Variants in SLC9C2 observed in about 807,000 individuals in gnomAD.
The protein encoded by SLC9C2 is sodium/hydrogen exchanger 11.
Under a neutral mutation model 140.2 loss-of-function variants are expected in SLC9C2, and 75 were observed. That is an observed-to-expected ratio of 0.53 (90% confidence interval 0.44 to 0.65). SLC9C2 has a LOEUF of 0.65. Ranked by LOEUF, SLC9C2 falls within the 30% of genes least tolerant of loss-of-function variation. The pLI is 0.00. For missense variants in SLC9C2, 1,074 were observed against 1,331.8 expected, an observed-to-expected ratio of 0.81 and a Z score of 3.01; for synonymous variants, 375 against 420.9, an observed-to-expected ratio of 0.89 and a Z score of 1.34.
intron 17 of SLC9C2, among the ~76,000 whole-genome samples, chr1:173,531,279 G>T (rs1252956187): frequency 6.6e-6 from 1 of 152,172 alleles, no homozygotes; most frequent in Non-Finnish European, 1.5e-5. Context: ...AGACAGAAGG[G>T]ATGACTAGTT....
intron 27 of SLC9C2, among the ~76,000 whole-genome samples, chr1:173,502,271 T>TAA (rs1334526890): frequency 3.1e-5 from 1 of 31,760 alleles, no homozygotes; most frequent in Non-Finnish European, 4.7e-5. Context: ...AGATTCCATC[T>TAA]CAAAAAAAAA....
chr1:173,531,500 A>G (rs565130747), intron 17 of SLC9C2, among the ~76,000 whole-genome samples: 15 of 152,342 alleles, frequency 9.8e-5, no homozygotes, highest in African/African-American at 3.4e-4. Context: ...CCTGCAAGTT[A>G]GCTCACTGCA....
chr1:173,508,017 C>T (rs527296305), intron 24 of SLC9C2, among the ~76,000 whole-genome samples: 1 of 152,148 alleles, frequency 6.6e-6, no homozygotes, highest in African/African-American at 2.4e-5. Flanking sequence ...TCTCCACCCC[C>T]ATTCAGGGCA....
At chr1:173,574,660 G>A (rs61828911) in intron 8 of SLC9C2, among the ~76,000 whole-genome samples, 22,072 of 151,332 alleles carry the variant, frequency 0.15, 1,935 homozygotes, top group East Asian at 0.32. Flanking sequence ...ACAGGCACCC[G>A]CCACCACGCC....
intron 4 of SLC9C2, among the ~76,000 whole-genome samples, chr1:173,588,307 T>C (rs1665973537): frequency 6.6e-6 from 1 of 152,206 alleles, no homozygotes; most frequent in Non-Finnish European, 1.5e-5. Flanking sequence ...CATGAAATGC[T>C]TGAGATTAAG....
At chr1:173,530,817 G>A (rs1296801182) in intron 17 of SLC9C2, among the ~76,000 whole-genome samples, 1 of 152,174 alleles carries the variant, frequency 6.6e-6, no homozygotes, top group East Asian at 1.9e-4. Flanking sequence ...GGCAGATGGC[G>A]AGGGACTGGG....
intron 4 of SLC9C2, among the ~76,000 whole-genome samples, chr1:173,593,492 C>G (rs1666285628): frequency 6.6e-6 from 1 of 152,152 alleles, no homozygotes; most frequent in South Asian, 2.1e-4. Flanking sequence ...TGCACTCTAG[C>G]CTGGGCAGTA....
intron 7 of SLC9C2, among the ~76,000 whole-genome samples, chr1:173,579,380 G>T (rs1050501909): frequency 2.6e-5 from 4 of 152,196 alleles, no homozygotes; most frequent in Non-Finnish European, 4.4e-5. Context: ...TTTATCCCAT[G>T]AAAATTGACA....
intron 25 of SLC9C2, among the ~76,000 whole-genome samples, chr1:173,506,324 G>A (rs912013850): frequency 1.3e-5 from 2 of 152,144 alleles, no homozygotes; most frequent in Non-Finnish European, 2.9e-5. Flanking sequence ...GGGCCATTAG[G>A]GACTTTGCTT....
intron 4 of SLC9C2, among the ~76,000 whole-genome samples, chr1:173,595,509 T>C (rs1318057972): frequency 1.3e-5 from 2 of 152,142 alleles, no homozygotes; most frequent in East Asian, 3.9e-4. Flanking sequence ...TGCTTGGAAA[T>C]ATGATATTTT....
At chr1:173,507,148 G>A (rs948825146) in intron 24 of SLC9C2, 107 bp from the exon 25 acceptor site, 1 of 866,752 alleles carries the variant, frequency 1.2e-6, no homozygotes, top group African/African-American at 1.7e-5. Context: ...GTGTCAGAAG[G>A]TACACAGCCC....
chr1:173,557,214 C>A, intron 10 of SLC9C2, 126 bp downstream of exon 10: 3 of 886,524 alleles, frequency 3.4e-6, no homozygotes, highest in African/African-American at 1.7e-5. Context: ...TTCCTTTCTA[C>A]TTAAAAGAAT....
rs139248756 is a variant in SLC9C2 at position 173,520,723 on chromosome 1, G to A, written c.2739+578C>T. Among the ~76,000 whole-genome samples the A allele has an allele frequency of 5.0e-3, 762 of 152,206 alleles. 7 individuals are homozygous for A. Among genetic ancestry groups the A allele is most frequent in the African/African-American group, 0.017 (713 of 41,520 alleles). On this transcript the variant is annotated intron_variant, in intron 22 of 27. Transcript: ENST00000367714. ...TGATATTTTAAGGTCTAATATACCC[G>A]TTTCAAAACCAGAAAGCCAATGGTA...
At chr1:173,561,272 G>A (rs1024417823) in intron 9 of SLC9C2, among the ~76,000 whole-genome samples, 5 of 152,126 alleles carry the variant, frequency 3.3e-5, no homozygotes, top group African/African-American at 1.2e-4. Flanking sequence ...GTATTCACAC[G>A]GTCACTCCTT....
At chr1:173,531,673 T>C (rs1306465226) in intron 17 of SLC9C2, among the ~76,000 whole-genome samples, 1 of 152,218 alleles carries the variant, frequency 6.6e-6, no homozygotes, top group Non-Finnish European at 1.5e-5. Flanking sequence ...TAAATAAATA[T>C]GCCTTTCTTC....
chr1:173,524,799 C>T lies in SLC9C2; in HGVS notation c.2494G>A (p.Glu832Lys), dbSNP rs1190237326. Residue 832 changes from glutamate (E) to lysine (K), a missense_variant, in exon 20 of 28, where the codon GAA becomes AAA. By Grantham distance (56) the Glu-to-Lys change is moderately conservative. Coordinates refer to ENST00000367714, the MANE Select transcript of SLC9C2 (RefSeq NM_178527.4). ...LCSRGIIDKHEVIEINKVLLK... is the reference protein window; with the variant it reads ...LCSRGIIDKHKVIEINKVLLK... The stretch of plus-strand genomic sequence containing the variant: ...ATTACCTTATTTATCTCAATGACTT[C>T]ATGCTTATCAATAATGCCTCTTGAA... 6.2e-7 allele frequency: 1 copy of T among 1,613,972 alleles called. No individual in the cohort carries two copies. Among genetic ancestry groups the T allele is most frequent in the Admixed American group, 1.7e-5 (1 of 60,004 alleles).
chr1:173,517,597 C>T lies in SLC9C2; in HGVS notation c.2847G>A (p.Glu949=). Residue 949 remains glutamate, a synonymous_variant, in exon 23 of 28, where the codon GAG becomes GAA. Transcript: ENST00000367714. ...TTTCACGCTTAAGCAGACAGCTTAG[C>T]TCTCCAATTATGTCCCCAGTAGTAC... ...EFCTTGDIIG[E]LSCLLKREIE... 6.2e-7 allele frequency: 1 copy of T among 1,613,882 alleles called. No individual in the cohort carries two copies. Among genetic ancestry groups the T allele is most frequent in the Non-Finnish European group, 8.5e-7 (1 of 1,179,930 alleles).
At chr1:173,534,020 C>T (rs1474197346) in intron 16 of SLC9C2, among the ~76,000 whole-genome samples, 2 of 152,022 alleles carry the variant, frequency 1.3e-5, no homozygotes, top group Non-Finnish European at 2.9e-5. Context: ...ATGCCAAAAA[C>T]AACTATTAAA....
chr1:173,600,622 T>C lies in SLC9C2; in HGVS notation c.128-405A>G, dbSNP rs543136287. The stretch of plus-strand genomic sequence containing the variant: ...AACTTACAATATTTTAAATTTATGA[T>C]GGGTTTATTAGGACACAACCTGATA... On this transcript the variant is annotated intron_variant, in intron 2 of 27. Transcript: ENST00000367714. 1.2e-4 allele frequency among the ~76,000 whole-genome samples: 18 copies of C among 152,256 alleles called. No individual in the cohort carries two copies. In the South Asian group the frequency reaches 1.9e-3, roughly 16 times the overall value.
Sources: allele counts gnomAD v4.1 joint callset (sites outside exome capture counted in the v4.1 genomes callset), GRCh38; gene constraint gnomAD v4.1.1; transcripts MANE v1.5; gene names NCBI Gene and HGNC (gene_info 2026-07-23, HGNC 2026-07-21).